GNAI3: variants seen among roughly 807,000 people sequenced by gnomAD.
The protein encoded by GNAI3 is guanine nucleotide-binding protein G(i) subunit alpha-3.
A neutral mutation model predicts 41.8 loss-of-function variants in GNAI3; 12 were observed. The observed-to-expected ratio is 0.29, with a 90% CI of 0.18 to 0.47. GNAI3 has a LOEUF of 0.47. Among genes scored for constraint, GNAI3 ranks in the 20% least tolerant of loss-of-function variants. GNAI3 has a pLI of 1.00. For synonymous variants in GNAI3, 132 were observed against 146.5 expected (o/e 0.90, Z 0.71); for missense variants, 360 against 429.6 (o/e 0.84, Z 1.43).
In GNAI3 at chr1:109,594,652, T is replaced by TA; in HGVS notation, c.*2330_*2331insA. On this transcript the variant is annotated 3_prime_UTR_variant, in exon 9 of 9. Coordinates refer to ENST00000369851, the MANE Select transcript of GNAI3 (RefSeq NM_006496.4). ...GCTGGTGGGCTGGCAATCGATTTTT[T>TA]TTTTTTTTTTTTTTTTTTGAGACGG... The TA allele has an allele frequency of 7.2e-6, 1 of 139,084 alleles. No homozygotes were observed. Among genetic ancestry groups the TA allele is most frequent in the South Asian group, 2.8e-4 (1 of 3,588 alleles). 8.6% of individuals were successfully genotyped at this position (139,084 alleles called of 1,614,324 possible). A position where few individuals can be genotyped will look rare whatever the true frequency, so the allele number is the denominator to read the frequency against.
chr1:109,584,471 A>C (rs765487329), intron 5 of GNAI3, among the ~76,000 whole-genome samples: 17 of 152,228 alleles, frequency 1.1e-4, no homozygotes, highest in Non-Finnish European at 2.4e-4. Flanking sequence ...TATATAAATC[A>C]GTCTTTAGTT....
chr1:109,555,933 C>G (rs1386000295), intron 1 of GNAI3, among the ~76,000 whole-genome samples: 6 of 138,520 alleles, frequency 4.3e-5, no homozygotes, highest in African/African-American at 1.0e-4. Context: ...CTACAGCATA[C>G]TTTCTCCTGG....
chr1:109,591,483 G>GT (rs1649169644), intron 7 of GNAI3: 8 of 1,034,058 alleles, frequency 7.7e-6, no homozygotes, highest in African/African-American at 3.2e-5. Flanking sequence ...GAGACACTTT[G>GT]TAGCAGAGTA....
In GNAI3 at chr1:109,564,715, G is replaced by A. The variant is rs202145542; in HGVS notation, c.119-9022G>A. Among the ~76,000 whole-genome samples, 14 of 152,330 alleles carry A rather than the reference G, an allele frequency of 9.2e-5. No individual in the cohort carries two copies. The East Asian group carries it at 2.5e-3, about 27-fold the overall frequency. ...GGTATTTACCCTCGATTCGGTCACA[G>A]GAAAGGTTGTGGCCTAGATCGTGTG... is the stretch of plus-strand genomic sequence containing the variant. On this transcript the variant is annotated intron_variant, in intron 1 of 8. Coordinates refer to ENST00000369851, the MANE Select transcript of GNAI3 (RefSeq NM_006496.4).
chr1:109,566,120 G>A (rs6692804), intron 1 of GNAI3, among the ~76,000 whole-genome samples: 43,308 of 152,076 alleles, frequency 0.28, 7,323 homozygotes, highest in African/African-American at 0.47. Context: ...GGAATAATCT[G>A]TGCCAGCCAC....
chr1:109,555,359 A>G (rs956320313), intron 1 of GNAI3, among the ~76,000 whole-genome samples: 3 of 152,260 alleles, frequency 2.0e-5, no homozygotes, highest in Non-Finnish European at 2.9e-5. Context: ...AACAGAATAG[A>G]GAGCCCAGAA....
intron 1 of GNAI3, among the ~76,000 whole-genome samples, chr1:109,550,795 A>G (rs1647965604): frequency 1.3e-5 from 2 of 152,210 alleles, no homozygotes; most frequent in East Asian, 3.8e-4. Context: ...GGCCTCCCAA[A>G]GTGCTGGGAT....
At position 109,595,483 on chromosome 1, in the gene GNAI3, A is replaced by G. The variant is rs1317160475; in HGVS notation, c.*3161A>G. The G allele has an allele frequency of 1.3e-5, 2 of 152,216 alleles. No individual in the cohort carries two copies. The highest frequency in any genetic ancestry group is 2.4e-5 in the African/African-American group (1 of 41,454). 9.4% of individuals were successfully genotyped at this position (152,216 alleles called of 1,614,324 possible). On this transcript the variant is annotated 3_prime_UTR_variant, in exon 9 of 9. Transcript: ENST00000369851. ...GACTAGATGGACCAAAATTTTAAAA[A>G]AAACTTCTTGCCTTGTTTTTTTAAT...
At chr1:109,549,599 C>T (rs1205016832) in intron 1 of GNAI3, among the ~76,000 whole-genome samples, 1 of 152,084 alleles carries the variant, frequency 6.6e-6, no homozygotes, top group African/African-American at 2.4e-5. Flanking sequence ...AGGTTTGTAG[C>T]AGAAGATCTA....
rs1277097560 is a variant in GNAI3 at position 109,596,225 on chromosome 1, G to GC, written c.*3905dup. ...CTTTAATGATGATCAAGGTCTTTAT[G>GC]CCTTTATCTTTTAGTTTTTAAGATC... is the stretch of plus-strand genomic sequence containing the variant. On this transcript the variant is annotated 3_prime_UTR_variant, in exon 9 of 9. Coordinates refer to ENST00000369851, the MANE Select transcript of GNAI3 (RefSeq NM_006496.4). The GC allele has an allele frequency of 6.6e-6, 1 of 152,128 alleles. No individual in the cohort carries two copies. Among genetic ancestry groups the GC allele is most frequent in the African/African-American group, 2.4e-5 (1 of 41,422 alleles). The allele number at this position is 152,128 out of a possible 1,614,324, so 9.4% of individuals were successfully genotyped here.
intron 1 of GNAI3, 36 bp from the exon 2 acceptor site, chr1:109,573,701 C>G: frequency 6.6e-7 from 1 of 1,523,072 alleles, no homozygotes; most frequent in Non-Finnish European, 9.1e-7. Flanking sequence ...ATGTTGATTA[C>G]CGAGAAATTC....
intron 7 of GNAI3, among the ~76,000 whole-genome samples, chr1:109,587,851 CTT>C (rs1649072610): frequency 1.3e-5 from 2 of 152,068 alleles, no homozygotes; most frequent in Non-Finnish European, 2.9e-5. Flanking sequence ...GAAATAAAAA[CTT>C]TTGATGGGGA....
At position 109,573,725 on chromosome 1, in the gene GNAI3, C is replaced by T; in HGVS notation, c.119-12C>T. The T allele has an allele frequency of 6.3e-7, 1 of 1,597,630 alleles. No homozygotes were observed. Among genetic ancestry groups the T allele is most frequent in the Non-Finnish European group, 8.6e-7 (1 of 1,165,680 alleles). On this transcript the variant is annotated splice_polypyrimidine_tract_variant and intron_variant, in intron 1 of 8. Coordinates refer to ENST00000369851, the MANE Select transcript of GNAI3 (RefSeq NM_006496.4). ...ACCGAGAAATTCAAAGTCTGGTTTTCTTTTCTTACAGGTGCTGGAGAATCT... is the reference window on the plus strand; with the variant it reads ...ACCGAGAAATTCAAAGTCTGGTTTTTTTTTCTTACAGGTGCTGGAGAATCT...
intron 1 of GNAI3, among the ~76,000 whole-genome samples, chr1:109,564,112 A>T (rs1446865849): frequency 6.6e-6 from 1 of 150,382 alleles, no homozygotes; most frequent in Non-Finnish European, 1.5e-5. Context: ...GTGGGTTGAT[A>T]GGTTATTGTT....
chr1:109,588,836 T>C (rs916661687), intron 7 of GNAI3, among the ~76,000 whole-genome samples: 19 of 152,094 alleles, frequency 1.2e-4, no homozygotes, highest in Admixed American at 1.1e-3. Flanking sequence ...GAGGTTGCGG[T>C]GAGCCGAGAT....
Position 109,588,524 on chromosome 1 carries a change from A to G in GNAI3, c.874+1642A>G, listed in dbSNP as rs76867021. On this transcript the variant is annotated intron_variant, in intron 7 of 8. Transcript: ENST00000369851. ...ATGTAACTGCCAGGGATGGATCACT[A>G]TGAAACTTATAGATCAGAATCAGGT... Among the ~76,000 whole-genome samples, 6 of 152,304 alleles carry G rather than the reference A, an allele frequency of 3.9e-5. No homozygotes were observed. The South Asian group carries it at 1.0e-3, about 26-fold the overall frequency.
chr1:109,565,090 G>A (rs779573791), intron 1 of GNAI3, among the ~76,000 whole-genome samples: 12 of 151,750 alleles, frequency 7.9e-5, no homozygotes, highest in Admixed American at 2.0e-4. Context: ...GTGAAACCCC[G>A]TCTCTACTAA....
chr1:109,571,076 CCTTGT>C (rs1242447719), intron 1 of GNAI3, among the ~76,000 whole-genome samples: 1 of 152,108 alleles, frequency 6.6e-6, no homozygotes, highest in Non-Finnish European at 1.5e-5. Flanking sequence ...GCACTGGCAT[CCTTGT>C]CTTATCTGCA....
chr1:109,597,593 C>T lies in GNAI3; in HGVS notation c.*5271C>T, dbSNP rs1343675032. On this transcript the variant is annotated 3_prime_UTR_variant, in exon 9 of 9. Coordinates refer to ENST00000369851, the MANE Select transcript of GNAI3 (RefSeq NM_006496.4). ...ACCATTTGTACATGACTTAAAGTGCCTTCCACCAAGAAAATTATTGAAAAC... is the reference window on the plus strand; with the variant it reads ...ACCATTTGTACATGACTTAAAGTGCTTTCCACCAAGAAAATTATTGAAAAC... 6.6e-6 allele frequency: 1 copy of T among 151,856 alleles called. No individual in the cohort carries two copies. Among genetic ancestry groups the T allele is most frequent in the Non-Finnish European group, 1.5e-5 (1 of 68,008 alleles). 9.4% of individuals were successfully genotyped at this position (151,856 alleles called of 1,614,324 possible).
Sources: gnomAD v4.1 joint callset for allele counts (sites outside exome capture counted in the v4.1 genomes callset) on GRCh38, gnomAD v4.1.1 for gene constraint, MANE v1.5 for transcripts, NCBI Gene and HGNC (gene_info 2026-07-23, HGNC 2026-07-21) for gene names.